The following KRT17 variants were observed in gnomAD, a reference collection of about 807,000 sequenced individuals.
The protein encoded by KRT17 is keratin, type I cytoskeletal 17.
In KRT17, 29 loss-of-function variants were observed where a neutral mutation model predicts 45.6. That is an observed-to-expected ratio of 0.64 (90% CI 0.47 to 0.87). The LOEUF (loss-of-function observed/expected upper bound fraction) is 0.87. Ranked by LOEUF, KRT17 falls within the 40% of genes least tolerant of loss-of-function variation. The pLI, the probability that KRT17 is intolerant of heterozygous loss-of-function variation, is 0.00. For synonymous variants in KRT17, 219 were observed against 234.6 expected, an observed-to-expected ratio of 0.93 and a Z score of 0.61; for missense variants, 536 against 577.8, an observed-to-expected ratio of 0.93 and a Z score of 0.74.
At chr17:41,624,049 C>G in intron 1 of KRT17, 29 bp downstream of exon 1, 2 of 1,611,908 alleles carry the variant, frequency 1.2e-6, no homozygotes, top group South Asian at 1.1e-5. Flanking sequence ...TCATGCCCCC[C>G]GGAGACCCCT....
intron 1 of KRT17, chr17:41,623,320 G>A (rs142370619): frequency 0.014 from 5,634 of 398,320 alleles, 253 homozygotes; most frequent in African/African-American, 0.1. Context: ...ATGGGAAAAT[G>A]TCCCCAGGGC....
Position 41,620,310 on chromosome 17 carries a change from C to T in KRT17, c.1204+226G>A, listed in dbSNP as rs933230940. On this transcript the variant is annotated intron_variant, in intron 7 of 7. Transcript: ENST00000311208. The stretch of plus-strand genomic sequence containing the variant: ...TGTCTCCTCCATCAGACTAGGATCT[C>T]CAAGGTAAGGACCAGTTCCCTGCCC... 181 of 985,242 alleles carry T rather than the reference C, an allele frequency of 1.8e-4. No homozygotes were observed. In the Middle Eastern group the frequency reaches 3.1e-3, roughly 17 times the overall value. The allele number at this position is 985,242 out of a possible 1,614,324, so 61.0% of individuals were successfully genotyped here. A position where few individuals can be genotyped will look rare whatever the true frequency, so the allele number is the denominator to read the frequency against.
In KRT17 at chr17:41,623,044, G is replaced by GGA; in HGVS notation, c.433-14_433-13dup. 6.2e-7 allele frequency: 1 copy of GGA among 1,608,144 alleles called. No individual in the cohort carries two copies. The highest frequency in any genetic ancestry group is 8.5e-7 in the Non-Finnish European group (1 of 1,174,874). The stretch of plus-strand genomic sequence containing the variant: ...GTGGCTGTGAGGATCTGAGGAGAAG[G>GGA]GAGAGTAGTCAGGTCATTGGATGGG... On this transcript the variant is annotated splice_polypyrimidine_tract_variant and intron_variant, in intron 1 of 7. Coordinates refer to ENST00000311208, the MANE Select transcript of KRT17 (RefSeq NM_000422.3).
At chr17:41,621,410 C>A (rs1425443840) in intron 4 of KRT17, among the ~76,000 whole-genome samples, 183 bp downstream of exon 4, 1 of 152,186 alleles carries the variant, frequency 6.6e-6, no homozygotes, top group African/African-American at 2.4e-5. Context: ...ACCTCCCCAC[C>A]CACCCGCCAG....
chr17:41,624,387 C>A lies in KRT17; in HGVS notation c.123G>T (p.Arg41Ser). The A allele has an allele frequency of 6.2e-7, 1 of 1,610,728 alleles. No homozygotes were observed. The highest frequency in any genetic ancestry group is 8.5e-7 in the Non-Finnish European group (1 of 1,179,618). ...LSGGLGAGSC[R>S]LGSAGGLGST... is the part of the protein sequence containing the mutation. The stretch of plus-strand genomic sequence containing the variant: ...TGCCCAGGCCGCCAGCAGATCCCAG[C>A]CTGCAGGAGCCGGCACCCAGGCCGC... The change falls in exon 1 of 8, where the codon AGG (arginine) becomes AGT (serine). Residue 41 changes from arginine to serine, a missense_variant. Transcript: ENST00000311208.
chr17:41,621,409 C>T (rs553326490), intron 4 of KRT17, among the ~76,000 whole-genome samples, 184 bp downstream of exon 4: 2 of 152,166 alleles, frequency 1.3e-5, no homozygotes, highest in African/African-American at 2.4e-5. Context: ...TACCTCCCCA[C>T]CCACCCGCCA....
chr17:41,624,267 A>C lies in KRT17; in HGVS notation c.243T>G (p.Ala81=). 1 of 1,612,546 alleles carries C rather than the reference A, an allele frequency of 6.2e-7. No individual in the cohort carries two copies. The stretch of plus-strand genomic sequence containing the variant: ...TCTGCATGGTGGCCTTCTCACCTCC[A>C]GCCAGCAGCCCATCAACACCCCCAA... ...SSFGGVDGLL[A]GGEKATMQNL... The change falls in exon 1 of 8, where the codon GCT becomes GCG. Residue 81 remains alanine (A), a synonymous_variant. Transcript: ENST00000311208.
At chr17:41,623,059 C>A in intron 1 of KRT17, 27 bp from the exon 2 acceptor site, 1 of 1,567,868 alleles carries the variant, frequency 6.4e-7, no homozygotes, top group South Asian at 1.1e-5. Flanking sequence ...GTAGTCAGGT[C>A]ATTGGATGGG....
chr17:41,619,474 C>A lies in KRT17; in HGVS notation c.*120G>T. ...GTCAACAAGCTTTATTGTCATCAGG[C>A]AAGGAAGCATGGGGAAGGGACTGAA... On this transcript the variant is annotated 3_prime_UTR_variant, in exon 8 of 8. Transcript: ENST00000311208. 1 of 1,566,286 alleles carries A rather than the reference C, an allele frequency of 6.4e-7. No individual in the cohort carries two copies. Among genetic ancestry groups the A allele is most frequent in the Non-Finnish European group, 8.7e-7 (1 of 1,145,494 alleles).
chr17:41,619,678 G>A lies in KRT17; in HGVS notation c.1215C>T (p.Thr405=), dbSNP rs1173867764. ...CTTCCACAATGGTACGCACCTGACG[G>A]GTGGTCACCGCTGCAGGAGAAGCAG... ...LTQYKKEPVT[T]RQVRTIVEEV... The change falls in exon 8 of 8, where the codon ACC becomes ACT. Residue 405 remains threonine (T), a synonymous_variant. Transcript: ENST00000311208. 2 of 1,612,168 alleles carry A rather than the reference G, an allele frequency of 1.2e-6. No homozygotes were observed. The highest frequency in any genetic ancestry group is 4.5e-5 in the East Asian group (2 of 44,880).
intron 1 of KRT17, among the ~76,000 whole-genome samples, chr17:41,623,627 C>T (rs932452539): frequency 1.5e-4 from 23 of 152,066 alleles, no homozygotes; most frequent in Admixed American, 2.0e-4. Context: ...ACTGAGGTCC[C>T]GCCCCCTCCT....
In KRT17 at chr17:41,624,499, G is replaced by A. The variant is rs1235064745; in HGVS notation, c.11C>T (p.Ser4Phe). 2 of 1,610,142 alleles carry A rather than the reference G, an allele frequency of 1.2e-6. No homozygotes were observed. The highest frequency in any genetic ancestry group is 3.3e-5 in the Admixed American group (2 of 59,942). The change falls in exon 1 of 8, where the codon TCC (serine) becomes TTC (phenylalanine). Residue 4 changes from serine to phenylalanine, a missense_variant. By Grantham distance (155) the Ser-to-Phe change is radical (BLOSUM62 -2). Coordinates refer to ENST00000311208, the MANE Select transcript of KRT17 (RefSeq NM_000422.3). Reference protein sequence around the residue: MTTSIRQFTSSSSI... With the variant: MTTFIRQFTSSSSI... Reference sequence around the variant, plus strand: ...GCTGGAGGAGGTGAACTGGCGGATGGAGGTGGTCATGGTGGCGGCGGCAGG... The same window carrying A: ...GCTGGAGGAGGTGAACTGGCGGATGAAGGTGGTCATGGTGGCGGCGGCAGG...
chr17:41,622,895 C>T (rs1312573997), intron 2 of KRT17, 55 bp downstream of exon 2: 14 of 1,469,772 alleles, frequency 9.5e-6, no homozygotes, highest in Non-Finnish European at 1.3e-5. Flanking sequence ...GGAGGGGTAC[C>T]CTGAGATCCT....
intron 3 of KRT17, 145 bp from the exon 4 acceptor site, chr17:41,621,899 T>G: frequency 2.4e-6 from 2 of 843,536 alleles, no homozygotes; most frequent in Non-Finnish European, 3.9e-6. Flanking sequence ...TAAATGATTT[T>G]TATTCATCTG....
rs1908660518 is a variant in KRT17, at chr17:41,624,453, G to A, written c.57C>T (p.Gly19=). The A allele has an allele frequency of 1.2e-6, 2 of 1,610,440 alleles. No homozygotes were observed. The highest frequency in any genetic ancestry group is 1.7e-6 in the Non-Finnish European group (2 of 1,179,500). The change falls in exon 1 of 8, where the codon GGC becomes GGT. Residue 19 remains glycine (G), a synonymous_variant. Coordinates refer to ENST00000311208, the MANE Select transcript of KRT17 (RefSeq NM_000422.3). ...TSSSSIKGSS[G]LGGGSSRTSC... The stretch of plus-strand genomic sequence containing the variant: ...AGGTGCGGGACGAGCCGCCCCCCAG[G>A]CCGGAGGAGCCCTTGATGGAGCTGG...
rs1381928510 is a variant in KRT17 at position 41,621,091 on chromosome 17, T to A, written c.835A>T (p.Thr279Ser). The A allele has an allele frequency of 6.2e-7, 1 of 1,613,840 alleles. No individual in the cohort carries two copies. The highest frequency in any genetic ancestry group is 1.3e-5 in the African/African-American group (1 of 75,044). The change falls in exon 5 of 8, where the codon ACA becomes TCA. Residue 279 changes from threonine to serine, a missense_variant and splice_region_variant. Physicochemically the swap from Thr to Ser is moderately conservative, Grantham distance 58. Coordinates refer to ENST00000311208, the MANE Select transcript of KRT17 (RefSeq NM_000422.3). Reference sequence around the variant, plus strand: ...GCCACCTCGCGGTTCAGTTCCTCTGTCTGCAGACAGGACACAGGACAGGGC... The same window carrying A: ...GCCACCTCGCGGTTCAGTTCCTCTGACTGCAGACAGGACACAGGACAGGGC... ...KDAEDWFFSK[T>S]EELNREVATN...
chr17:41,621,608 A>G lies in KRT17; in HGVS notation c.819T>C (p.Asp273=). 5.0e-6 allele frequency: 8 copies of G among 1,612,012 alleles called. No individual in the cohort carries two copies. The highest frequency in any genetic ancestry group is 6.8e-6 in the Non-Finnish European group (8 of 1,179,840). Residue 273 remains aspartate (D), a synonymous_variant, in exon 4 of 8, where the codon GAT becomes GAC. Coordinates refer to ENST00000311208, the MANE Select transcript of KRT17 (RefSeq NM_000422.3). ...MAEKNRKDAE[D]WFFSKTEELN... Reference sequence around the variant, plus strand: ...CACCCCCCACCTTGCTGAAGAACCAATCCTCGGCATCCTTGCGGTTCTTCT... The same window carrying G: ...CACCCCCCACCTTGCTGAAGAACCAGTCCTCGGCATCCTTGCGGTTCTTCT...
Position 41,619,688 on chromosome 17 carries a change from G to C in KRT17, c.1205C>G (p.Pro402Arg). 1 of 1,612,174 alleles carries C rather than the reference G, an allele frequency of 6.2e-7. No homozygotes were observed. The highest frequency in any genetic ancestry group is 1.1e-5 in the South Asian group (1 of 91,002). Residue 402 changes from proline (P) to arginine (R), a missense_variant and splice_region_variant, in exon 8 of 8, where the codon CCG becomes CGG. Physicochemically the swap from Pro to Arg is moderately radical, Grantham distance 103. Coordinates refer to ENST00000311208, the MANE Select transcript of KRT17 (RefSeq NM_000422.3). ...DAHLTQYKKEPVTTRQVRTIV... is the reference protein window; with the variant it reads ...DAHLTQYKKERVTTRQVRTIV... ...GGTACGCACCTGACGGGTGGTCACC[G>C]CTGCAGGAGAAGCAGGCAATTTAAA...
rs1178386230 is a variant in KRT17 at position 41,624,432 on chromosome 17, G to A, written c.78C>T (p.Arg26=). 6.2e-7 allele frequency: 1 copy of A among 1,610,194 alleles called. No individual in the cohort carries two copies. Among genetic ancestry groups the A allele is most frequent in the African/African-American group, 1.3e-5 (1 of 74,970 alleles). The change falls in exon 1 of 8, where the codon CGC becomes CGT. Residue 26 remains arginine, a synonymous_variant. Transcript: ENST00000311208. ...GGCCGCCAGACAGCCGGCAGGAGGT[G>A]CGGGACGAGCCGCCCCCCAGGCCGG... The part of the protein sequence containing the change: ...GSSGLGGGSS[R]TSCRLSGGLG...
Sources: gnomAD v4.1 joint callset for allele counts (sites outside exome capture counted in the v4.1 genomes callset) on GRCh38, gnomAD v4.1.1 for gene constraint, MANE v1.5 for transcripts, NCBI Gene and HGNC (gene_info 2026-07-23, HGNC 2026-07-21) for gene names.